ASB14: variants seen among roughly 807,000 people sequenced by gnomAD.
ASB14 encodes ankyrin repeat and SOCS box protein 14.
Under a neutral mutation model 55.6 loss-of-function variants are expected in ASB14, and 63 were observed. That is an observed-to-expected ratio of 1.13 (90% CI 0.92 to 1.40). ASB14 has a LOEUF of 1.40. Among genes scored for constraint, ASB14 ranks in the 40% most tolerant of loss-of-function variants. The pLI is 0.00. For synonymous variants in ASB14, 256 were observed against 259.9 expected, an observed-to-expected ratio of 0.98 and a Z score of 0.15; for missense variants, 724 against 710.4, an observed-to-expected ratio of 1.02 and a Z score of -0.22.
chr3:57,292,210 T>A, intron 1 of ASB14, 106 bp from the exon 2 acceptor site: 3 of 867,448 alleles, frequency 3.5e-6, no homozygotes, highest in Non-Finnish European at 4.8e-6. Flanking sequence ...AAAATTTCTA[T>A]AAACTTAAAA....
Position 57,277,818 on chromosome 3 carries a change from T to G in ASB14, c.1534A>C (p.Lys512Gln), listed in dbSNP as rs2061002306. 2 of 1,613,536 alleles carry G rather than the reference T, an allele frequency of 1.2e-6. No homozygotes were observed. Among genetic ancestry groups the G allele is most frequent in the Admixed American group, 1.7e-5 (1 of 59,888 alleles). ...ATCCCCTGTTTTTGGAGCACAGCTT[T>G]CAACTTTGAACAGATCCGAACTTGA... ...VDQVRICSKL[K>Q]AVLQKQGIWS... is the part of the protein sequence containing the mutation. The change falls in exon 9 of 11, where the codon AAA (lysine) becomes CAA (glutamine). Residue 512 changes from lysine to glutamine, a missense_variant. Transcript: ENST00000487349.
At chr3:57,282,050 A>C (rs2061044519) in intron 6 of ASB14, among the ~76,000 whole-genome samples, 1 of 152,198 alleles carries the variant, frequency 6.6e-6, no homozygotes. Flanking sequence ...TCTATACAAA[A>C]GGTTACTCTT....
At chr3:57,275,484 A>G (rs2060978753) in intron 10 of ASB14, among the ~76,000 whole-genome samples, 1 of 151,670 alleles carries the variant, frequency 6.6e-6, no homozygotes, top group Non-Finnish European at 1.5e-5. Context: ...TAAGATGAAA[A>G]TCTCAGAAAT....
chr3:57,270,157 A>G (rs1310134666), intron 10 of ASB14: 1 of 152,868 alleles, frequency 6.5e-6, no homozygotes, highest in African/African-American at 2.4e-5. Context: ...AAGTTTGCAA[A>G]TATTTTAACA....
intron 6 of ASB14, among the ~76,000 whole-genome samples, chr3:57,281,236 T>C: frequency 6.6e-6 from 1 of 152,100 alleles, no homozygotes; most frequent in South Asian, 2.1e-4. Context: ...AGATTAAGAA[T>C]GCTTAACTTA....
In ASB14 at chr3:57,268,541, A is replaced by G; in HGVS notation, c.*1100T>C. 3.3e-6 allele frequency: 5 copies of G among 1,501,928 alleles called. No individual in the cohort carries two copies. The highest frequency in any genetic ancestry group is 4.4e-6 in the Non-Finnish European group (5 of 1,127,314). The allele number at this position is 1,501,928 out of a possible 1,614,324, so 93.0% of individuals were successfully genotyped here. Reference sequence around the variant, plus strand: ...TGTGTTGTTTGTGAAGACTTAATTCAGCACTATGACTTTCAGATTTGAATT... The same window carrying G: ...TGTGTTGTTTGTGAAGACTTAATTCGGCACTATGACTTTCAGATTTGAATT... On this transcript the variant is annotated 3_prime_UTR_variant, in exon 11 of 11. Coordinates refer to ENST00000487349, the MANE Select transcript of ASB14 (RefSeq NM_001142733.3).
intron 2 of ASB14, among the ~76,000 whole-genome samples, chr3:57,291,407 C>T (rs754605675): frequency 6.6e-6 from 1 of 152,046 alleles, no homozygotes; most frequent in Non-Finnish European, 1.5e-5. Context: ...CACACAGGGT[C>T]CCACTGGTCC....
In ASB14 at chr3:57,287,917, A is replaced by G. The variant is rs754315977; in HGVS notation, c.453T>C (p.Asn151=). The part of the protein sequence containing the change: ...CNPNAKNFEG[N]SPLLAAVLRD... ...TTCATTTACCTGCAAGAAGAGGAGA[A>G]TTGCCTTCGAAATTCTTAGCATTTG... Residue 151 remains asparagine (N), a synonymous_variant, in exon 5 of 11, where the codon AAT becomes AAC. Coordinates refer to ENST00000487349, the MANE Select transcript of ASB14 (RefSeq NM_001142733.3). 7 of 1,537,240 alleles carry G rather than the reference A, an allele frequency of 4.6e-6. No homozygotes were observed. The highest frequency in any genetic ancestry group is 1.7e-4 in the Middle Eastern group (1 of 5,990).
At chr3:57,273,302 G>A (rs2060959324) in intron 10 of ASB14, 1 of 152,596 alleles carries the variant, frequency 6.6e-6, no homozygotes, top group Non-Finnish European at 1.5e-5. Flanking sequence ...TGGATTTGAA[G>A]AACTCGACTT....
At chr3:57,273,716 T>C (rs1196607204) in intron 10 of ASB14, among the ~76,000 whole-genome samples, 1 of 152,208 alleles carries the variant, frequency 6.6e-6, no homozygotes, top group Non-Finnish European at 1.5e-5. Context: ...GTATACTTGC[T>C]ACTGTTTGGT....
At chr3:57,286,815 C>G (rs1232716664) in intron 5 of ASB14, among the ~76,000 whole-genome samples, 1 of 152,052 alleles carries the variant, frequency 6.6e-6, no homozygotes, top group Non-Finnish European at 1.5e-5. Context: ...GGCCATATAC[C>G]ACCTCCATCT....
intron 6 of ASB14, among the ~76,000 whole-genome samples, chr3:57,281,473 A>C (rs543097675): frequency 6.6e-6 from 1 of 152,210 alleles, no homozygotes; most frequent in Non-Finnish European, 1.5e-5. Context: ...AGTTACGGAG[A>C]GCATTCTGAA....
chr3:57,276,620 C>T lies in ASB14; in HGVS notation c.1694G>A (p.Arg565His), dbSNP rs772971599. Residue 565 changes from arginine (R) to histidine (H), a missense_variant, in exon 10 of 11, where the codon CGT becomes CAT. Transcript: ENST00000487349. ...TTTGTAAAGGACATATGCTTTTAGA[C>T]GATTGGGTAATGGAAGAAATGACAT... ...VFMSFLPLPN[R>H]LKAYVLYKEY... 1.4e-5 allele frequency: 22 copies of T among 1,613,762 alleles called. No individual in the cohort carries two copies. The highest frequency in any genetic ancestry group is 1.7e-5 in the Admixed American group (1 of 60,022).
At chr3:57,273,386 T>A (rs2060960450) in intron 10 of ASB14, 1 of 152,668 alleles carries the variant, frequency 6.6e-6, no homozygotes, top group Non-Finnish European at 1.5e-5. Flanking sequence ...AGGTATATAC[T>A]GACAAGGCTT....
intron 7 of ASB14, among the ~76,000 whole-genome samples, chr3:57,280,029 A>C (rs1461088252): frequency 6.6e-6 from 1 of 151,948 alleles, no homozygotes; most frequent in East Asian, 1.9e-4. Flanking sequence ...TGGCTGCTAC[A>C]ACTCTTTCTT....
At chr3:57,274,104 ATAATT>A (rs1280100935) in intron 10 of ASB14, among the ~76,000 whole-genome samples, 2 of 152,186 alleles carry the variant, frequency 1.3e-5, no homozygotes, top group East Asian at 1.9e-4. Flanking sequence ...AACTATAAAA[ATAATT>A]TAAAGTCTGT....
Position 57,268,395 on chromosome 3 carries a change from TA to T in ASB14, c.*1245del. 6.4e-7 allele frequency: 1 copy of T among 1,554,534 alleles called. No homozygotes were observed. Among genetic ancestry groups the T allele is most frequent in the African/African-American group, 1.4e-5 (1 of 72,806 alleles). On this transcript the variant is annotated 3_prime_UTR_variant, in exon 11 of 11. Coordinates refer to ENST00000487349, the MANE Select transcript of ASB14 (RefSeq NM_001142733.3). Reference sequence around the variant, plus strand: ...TCATTAGTTTTATTCATCTGTTCTTTAGGATCGTAGGGCATCAGAAAAACAA... The same window carrying T: ...TCATTAGTTTTATTCATCTGTTCTTTGGATCGTAGGGCATCAGAAAAACAA...
chr3:57,285,024 C>T (rs1213392952), intron 5 of ASB14, among the ~76,000 whole-genome samples: 4 of 149,322 alleles, frequency 2.7e-5, no homozygotes, highest in East Asian at 4.1e-4. Context: ...ACTGCAACCT[C>T]GTCTCTCCCT....
chr3:57,278,077 T>C (rs890584906), intron 8 of ASB14, among the ~76,000 whole-genome samples, 157 bp from the exon 9 acceptor site: 1 of 152,220 alleles, frequency 6.6e-6, no homozygotes, highest in Non-Finnish European at 1.5e-5. Context: ...GTACTTATCC[T>C]GATTCTTTTT....
Sources: allele counts gnomAD v4.1 joint callset (sites outside exome capture counted in the v4.1 genomes callset), GRCh38; gene constraint gnomAD v4.1.1; transcripts MANE v1.5; gene names NCBI Gene and HGNC (gene_info 2026-07-23, HGNC 2026-07-21).